The following AATF variants were observed in gnomAD, a reference collection of about 807,000 sequenced individuals.
AATF encodes protein AATF.
In AATF, 48 loss-of-function variants were observed where a neutral mutation model predicts 63.7. That is an observed-to-expected ratio of 0.75 (90% CI 0.60 to 0.96). The LOEUF (loss-of-function observed/expected upper bound fraction) is 0.96. Ranked by LOEUF, AATF falls within the 40% of genes least tolerant of loss-of-function variation. The probability of loss-of-function intolerance (pLI) is 0.00; values close to 1 mark genes in which losing one functional copy is unlikely to be tolerated. For missense variants in AATF, 639 were observed against 685.7 expected, an observed-to-expected ratio of 0.93 and a Z score of 0.76; for synonymous variants, 258 against 247.7, an observed-to-expected ratio of 1.04 and a Z score of -0.39.
At chr17:36,967,785 A>G (rs1467520002) in intron 4 of AATF, among the ~76,000 whole-genome samples, 2 of 151,716 alleles carry the variant, frequency 1.3e-5, no homozygotes, top group Non-Finnish European at 2.9e-5. Flanking sequence ...ATAGAATTCT[A>G]TAGAATGTTA....
chr17:36,966,028 C>G (rs1277920222), intron 4 of AATF, among the ~76,000 whole-genome samples: 1 of 151,956 alleles, frequency 6.6e-6, no homozygotes, highest in Non-Finnish European at 1.5e-5. Flanking sequence ...AGACTGGGGT[C>G]CTTCAGTTTT....
intron 8 of AATF, among the ~76,000 whole-genome samples, chr17:37,017,866 G>A (rs1050124200): frequency 6.6e-6 from 1 of 152,124 alleles, no homozygotes; most frequent in African/African-American, 2.4e-5. Flanking sequence ...TCTGCTTTCA[G>A]AGGAATTTAT....
At chr17:36,950,131 T>C in intron 1 of AATF, 83 bp from the exon 2 acceptor site, 2 of 1,434,252 alleles carry the variant, frequency 1.4e-6, no homozygotes, top group South Asian at 1.3e-5. Flanking sequence ...CGTTCAACTA[T>C]GAGATAAATG....
At chr17:36,978,194 CAT>C (rs1567971222) in intron 4 of AATF, among the ~76,000 whole-genome samples, 4 of 152,040 alleles carry the variant, frequency 2.6e-5, no homozygotes, top group African/African-American at 4.8e-5. Flanking sequence ...TATATTTTAT[CAT>C]ATGTCTCTTC....
chr17:37,027,000 T>C (rs887225555), intron 10 of AATF, among the ~76,000 whole-genome samples: 1 of 152,328 alleles, frequency 6.6e-6, no homozygotes, highest in East Asian at 1.9e-4. Context: ...GGGTTGTATA[T>C]GTAAGACTTC....
intron 4 of AATF, among the ~76,000 whole-genome samples, chr17:36,972,966 C>T (rs932679976): frequency 2.0e-5 from 3 of 152,082 alleles, no homozygotes; most frequent in African/African-American, 7.2e-5. Context: ...GCAATTTGTT[C>T]CTGATTTGCA....
chr17:36,971,989 T>C (rs1429118091), intron 4 of AATF, among the ~76,000 whole-genome samples: 2 of 152,236 alleles, frequency 1.3e-5, no homozygotes, highest in African/African-American at 4.8e-5. Flanking sequence ...TTGGAGTATT[T>C]TCCACCTGTT....
At chr17:36,971,788 T>C (rs1567969269) in intron 4 of AATF, among the ~76,000 whole-genome samples, 1 of 152,210 alleles carries the variant, frequency 6.6e-6, no homozygotes. Flanking sequence ...AAGTGAAATA[T>C]GCCAGCCTCA....
rs1025754385 is a variant in AATF at position 36,953,296 on chromosome 17, G to A, written c.694G>A (p.Ala232Thr). 2 of 1,610,410 alleles carry A rather than the reference G, an allele frequency of 1.2e-6. No individual in the cohort carries two copies. The highest frequency in any genetic ancestry group is 1.7e-6 in the Non-Finnish European group (2 of 1,177,422). The stretch of plus-strand genomic sequence containing the variant: ...AGGAAGAGCCGTGAAGAACCAGATA[G>A]GTTTGTACATGGTTTTGCTGATTGC... ...EKGRAVKNQI[A>T]LWDQLLEGRI... Residue 232 changes from alanine to threonine, a missense_variant and splice_region_variant, in exon 3 of 12, where the codon GCA becomes ACA. Transcript: ENST00000619387.
At chr17:37,027,701 A>G (rs980969730) in intron 10 of AATF, among the ~76,000 whole-genome samples, 9 of 152,196 alleles carry the variant, frequency 5.9e-5, no homozygotes, top group African/African-American at 2.2e-4. Flanking sequence ...TATTAGTGAT[A>G]TGTATTTTTT....
At position 37,001,413 on chromosome 17, in the gene AATF, A is replaced by G. The variant is rs796621457; in HGVS notation, c.1398+10556A>G. ...GTATGGGAGGAGGGAGGGAGGAAGG[A>G]AGGAAGGAAGGAAGGAAGGAAGGAA... On this transcript the variant is annotated intron_variant, in intron 8 of 11. Transcript: ENST00000619387. Among the ~76,000 whole-genome samples, 641 of 70,096 alleles carry G rather than the reference A, an allele frequency of 9.1e-3. 12 individuals carry two copies. The highest frequency in any genetic ancestry group is 0.042 in the African/African-American group (392 of 9,338). 46.0% of individuals were successfully genotyped at this position (70,096 alleles called of 152,430 possible).
intron 8 of AATF, among the ~76,000 whole-genome samples, chr17:37,001,403 G>GCGA (rs2071293854): frequency 1.2e-5 from 1 of 83,438 alleles, no homozygotes; most frequent in South Asian, 4.0e-4. Flanking sequence ...GGAGGAGGGA[G>GCGA]GGAGGAAGGA....
At chr17:36,952,693 C>T (rs545322455) in intron 2 of AATF, among the ~76,000 whole-genome samples, 193 bp from the exon 3 acceptor site, 9 of 152,224 alleles carry the variant, frequency 5.9e-5, no homozygotes, top group African/African-American at 1.9e-4. Flanking sequence ...GGGTAGGACC[C>T]GTGTTCTATT....
intron 4 of AATF, among the ~76,000 whole-genome samples, chr17:36,985,063 G>A (rs2071157038): frequency 6.6e-6 from 1 of 151,880 alleles, no homozygotes; most frequent in South Asian, 2.1e-4. Context: ...CACCGTGCGC[G>A]GCTAATTTTT....
Position 36,950,392 on chromosome 17 carries a change from G to A in AATF, c.270G>A (p.Leu90=). 1.2e-6 allele frequency: 2 copies of A among 1,614,008 alleles called. No homozygotes were observed. Among genetic ancestry groups the A allele is most frequent in the Non-Finnish European group, 1.7e-6 (2 of 1,179,888 alleles). The change falls in exon 2 of 12, where the codon CTG becomes CTA. Residue 90 remains leucine (L), a synonymous_variant. Transcript: ENST00000619387. ...ATGAAGACCATTGGGAGCAGACTCT[G>A]CCAGGATCGTCTGGTGAGTAGACAT... ...AWNEDHWEQT[L]PGSSDEEISD...
intron 11 of AATF, among the ~76,000 whole-genome samples, chr17:37,051,655 TAATA>T (rs1187177882): frequency 6.7e-6 from 1 of 149,810 alleles, no homozygotes; most frequent in Non-Finnish European, 1.5e-5. Flanking sequence ...AAGAATCACA[TAATA>T]AATAAGCCGA....
chr17:36,970,890 A>AT (rs1319464999), intron 4 of AATF, among the ~76,000 whole-genome samples: 1 of 152,050 alleles, frequency 6.6e-6, no homozygotes, highest in African/African-American at 2.4e-5. Context: ...CAAAAAAAAA[A>AT]CTTCAACCTG....
chr17:36,990,392 A>G (rs1482431911), intron 7 of AATF, among the ~76,000 whole-genome samples: 6 of 152,184 alleles, frequency 3.9e-5, no homozygotes, highest in Non-Finnish European at 7.4e-5. Flanking sequence ...GTTCGTATAA[A>G]TATATGGGTA....
At chr17:36,991,656 G>T (rs1379106303) in intron 8 of AATF, among the ~76,000 whole-genome samples, 1 of 151,594 alleles carries the variant, frequency 6.6e-6, no homozygotes, top group Non-Finnish European at 1.5e-5. Flanking sequence ...CGCAATCTCG[G>T]CTCACTGCAA....
Sources: allele counts gnomAD v4.1 joint callset (sites outside exome capture counted in the v4.1 genomes callset), GRCh38; gene constraint gnomAD v4.1.1; transcripts MANE v1.5; gene names NCBI Gene and HGNC (gene_info 2026-07-23, HGNC 2026-07-21).